Variants in PTPRO observed in about 807,000 individuals in gnomAD.
PTPRO encodes the protein protein tyrosine phosphatase receptor type O, also known as receptor-type tyrosine-protein phosphatase O.
Under a neutral mutation model 145.2 loss-of-function variants are expected in PTPRO, and 62 were observed. The observed-to-expected ratio is 0.43, with a 90% confidence interval of 0.35 to 0.53. The LOEUF (loss-of-function observed/expected upper bound fraction) is 0.53, where lower values mean the gene tolerates loss of function less well. Ranked by LOEUF, PTPRO falls within the 20% of genes least tolerant of loss-of-function variation. The pLI is 0.01. For missense variants in PTPRO, 1,345 were observed against 1,482.7 expected (o/e 0.91, Z 1.53); for synonymous variants, 565 against 514.7 (o/e 1.10, Z -1.32).
rs1403306554 is a variant in PTPRO, at chr12:15,358,513, T to C, written c.75+35712T>C. 2.6e-5 allele frequency among the ~76,000 whole-genome samples: 4 copies of C among 152,170 alleles called. No individual in the cohort carries two copies. In the East Asian group the frequency reaches 5.8e-4, roughly 22 times the overall value. The stretch of plus-strand genomic sequence containing the variant: ...GTCTCTATGCATTTCAGGCAGACCT[T>C]CAACCACGACCTGATATTCTTCCTG... On this transcript the variant is annotated intron_variant, in intron 1 of 26. Coordinates refer to ENST00000281171, the MANE Select transcript of PTPRO (RefSeq NM_030667.3).
At chr12:15,460,657 A>G (rs146586733) in intron 1 of PTPRO, among the ~76,000 whole-genome samples, 4 of 152,334 alleles carry the variant, frequency 2.6e-5, no homozygotes, top group African/African-American at 9.6e-5. Flanking sequence ...GGAAAAAAAG[A>G]GAAAAATAAG....
chr12:15,515,469 A>G (rs1243652937), intron 7 of PTPRO, 29 bp from the exon 8 acceptor site: 5 of 1,612,784 alleles, frequency 3.1e-6, no homozygotes, highest in African/African-American at 2.7e-5. Context: ...CCAGCTCTAA[A>G]TAAATCTTAT....
At chr12:15,424,040 G>A (rs1343954481) in intron 1 of PTPRO, among the ~76,000 whole-genome samples, 2 of 152,210 alleles carry the variant, frequency 1.3e-5, no homozygotes, top group African/African-American at 4.8e-5. Context: ...GCAAGGAGAA[G>A]CATCCCTGAC....
At chr12:15,451,547 T>G (rs1403049957) in intron 1 of PTPRO, among the ~76,000 whole-genome samples, 2 of 152,194 alleles carry the variant, frequency 1.3e-5, no homozygotes, top group African/African-American at 4.8e-5. Flanking sequence ...ATATGCATTC[T>G]ACTCATCAGC....
intron 24 of PTPRO, among the ~76,000 whole-genome samples, chr12:15,587,610 A>G (rs1944456960): frequency 6.6e-6 from 1 of 152,252 alleles, no homozygotes; most frequent in South Asian, 2.1e-4. Flanking sequence ...AGTAGAATGA[A>G]AAAGGATATA....
intron 10 of PTPRO, among the ~76,000 whole-genome samples, chr12:15,522,236 A>T (rs7955275): frequency 0.44 from 65,558 of 150,246 alleles, 14,856 homozygotes; most frequent in African/African-American, 0.55. Flanking sequence ...AGTAGGTTTT[A>T]TTTTAACCTT....
chr12:15,326,729 T>C (rs931316365), intron 1 of PTPRO, among the ~76,000 whole-genome samples: 1 of 152,184 alleles, frequency 6.6e-6, no homozygotes, highest in African/African-American at 2.4e-5. Context: ...AAGTAAAACA[T>C]TGTAATTGGT....
intron 7 of PTPRO, among the ~76,000 whole-genome samples, chr12:15,512,256 A>C (rs1312366424): frequency 1.3e-5 from 2 of 152,152 alleles, no homozygotes; most frequent in Non-Finnish European, 2.9e-5. Flanking sequence ...CTGGGACTAC[A>C]GAAGTGAGCC....
At chr12:15,471,824 A>G (rs1049035235) in intron 1 of PTPRO, among the ~76,000 whole-genome samples, 3 of 152,180 alleles carry the variant, frequency 2.0e-5, no homozygotes, top group African/African-American at 7.2e-5. Flanking sequence ...GGCCTTTGAG[A>G]TCAACAGCCA....
chr12:15,472,190 C>T (rs552064797), intron 1 of PTPRO, among the ~76,000 whole-genome samples: 2 of 152,272 alleles, frequency 1.3e-5, no homozygotes, highest in South Asian at 2.1e-4. Context: ...TCTGGATGTA[C>T]GTCACACAGT....
chr12:15,570,325 T>TC (rs1944015724), intron 19 of PTPRO, among the ~76,000 whole-genome samples: 1 of 152,046 alleles, frequency 6.6e-6, no homozygotes, highest in Admixed American at 6.5e-5. Context: ...TTCTGTAGTT[T>TC]TTTTTTTTTA....
At position 15,386,689 on chromosome 12, in the gene PTPRO, C is replaced by G. The variant is rs185690016; in HGVS notation, c.75+63888C>G. On this transcript the variant is annotated intron_variant, in intron 1 of 26. Coordinates refer to ENST00000281171, the MANE Select transcript of PTPRO (RefSeq NM_030667.3). The stretch of plus-strand genomic sequence containing the variant: ...AAAGGTGAAAAAATATTCTTTTGCT[C>G]TAAGAATTCTCAGAGTTCTGTCCCA... Among the ~76,000 whole-genome samples the G allele has an allele frequency of 2.6e-5, 4 of 152,224 alleles. 1 individual carries two copies. In the East Asian group the frequency reaches 7.7e-4, roughly 29 times the overall value.
intron 8 of PTPRO, among the ~76,000 whole-genome samples, chr12:15,516,016 A>T: frequency 8.3e-6 from 1 of 120,586 alleles, no homozygotes; most frequent in African/African-American, 3.2e-5. Flanking sequence ...TTGGAGACAG[A>T]GTCTCGCTCT....
chr12:15,499,350 G>A, intron 3 of PTPRO, 92 bp from the exon 4 acceptor site: 2 of 1,264,226 alleles, frequency 1.6e-6, no homozygotes, highest in Non-Finnish European at 2.3e-6. Context: ...ATATTATTTT[G>A]TGAATGTTTA....
At chr12:15,560,925 G>T (rs1201279138) in intron 17 of PTPRO, among the ~76,000 whole-genome samples, 1 of 152,078 alleles carries the variant, frequency 6.6e-6, no homozygotes, top group Non-Finnish European at 1.5e-5. Context: ...CCTCTGTAAA[G>T]AGCAGACTCC....
chr12:15,538,512 C>T (rs775413060), intron 12 of PTPRO, among the ~76,000 whole-genome samples: 15 of 152,276 alleles, frequency 9.9e-5, no homozygotes, highest in South Asian at 2.1e-4. Context: ...CGTGAGCCAC[C>T]GCGCCCGGCC....
chr12:15,381,322 T>C (rs968759112), intron 1 of PTPRO, among the ~76,000 whole-genome samples: 15 of 152,208 alleles, frequency 9.9e-5, no homozygotes, highest in Non-Finnish European at 1.5e-5. Context: ...GCATTGATAT[T>C]GGGGCTTAAT....
intron 24 of PTPRO, among the ~76,000 whole-genome samples, chr12:15,588,603 A>G (rs1430541209): frequency 6.6e-6 from 1 of 152,168 alleles, no homozygotes; most frequent in Non-Finnish European, 1.5e-5. Flanking sequence ...AAGCAGGCCC[A>G]GGACCCACTA....
chr12:15,506,265 CCAA>C (rs1166372521), intron 6 of PTPRO, among the ~76,000 whole-genome samples: 3 of 152,124 alleles, frequency 2.0e-5, no homozygotes, highest in African/African-American at 7.2e-5. Flanking sequence ...TCATTTGATC[CCAA>C]CAACAACCTT....
Sources: gnomAD v4.1 joint callset for allele counts (sites outside exome capture counted in the v4.1 genomes callset) on GRCh38, gnomAD v4.1.1 for gene constraint, MANE v1.5 for transcripts, NCBI Gene and HGNC (gene_info 2026-07-23, HGNC 2026-07-21) for gene names.